The following VASH1 variants were observed in gnomAD, a reference collection of about 807,000 sequenced individuals.
The protein encoded by VASH1 is tubulinyl-Tyr carboxypeptidase 1.
In VASH1, 16 loss-of-function variants were observed where a neutral mutation model predicts 35.0. The ratio of observed to expected loss-of-function variants is 0.46; its 90% CI spans 0.31 to 0.70. The LOEUF is 0.70. Among genes scored for constraint, VASH1 ranks in the 30% least tolerant of loss-of-function variants. The probability of loss-of-function intolerance (pLI) is 0.05; values close to 1 mark genes in which losing one functional copy is unlikely to be tolerated. For missense variants in VASH1, 505 were observed against 510.7 expected (o/e 0.99, Z 0.11); for synonymous variants, 214 against 200.9 (o/e 1.07, Z -0.55).
At chr14:76,763,256 C>A in intron 1 of VASH1, 126 bp downstream of exon 1, 2 of 993,942 alleles carry the variant, frequency 2.0e-6, no homozygotes, top group Non-Finnish European at 1.3e-6. Flanking sequence ...CTTTAAAATG[C>A]AGTGATATCA....
intron 1 of VASH1, among the ~76,000 whole-genome samples, chr14:76,767,391 GC>G (rs1183033578): frequency 1.3e-5 from 2 of 152,114 alleles, no homozygotes; most frequent in African/African-American, 4.8e-5. Context: ...CACACATCCA[GC>G]TGCAAGCTCT....
intron 1 of VASH1, among the ~76,000 whole-genome samples, chr14:76,768,800 G>A (rs1390109077): frequency 2.6e-5 from 4 of 152,192 alleles, no homozygotes; most frequent in East Asian, 1.9e-4. Context: ...CAGTCCCATC[G>A]GGTGGGTGGG....
At chr14:76,769,679 C>G (rs1650030387) in intron 1 of VASH1, among the ~76,000 whole-genome samples, 1 of 152,184 alleles carries the variant, frequency 6.6e-6, no homozygotes, top group Non-Finnish European at 1.5e-5. Flanking sequence ...GTGAATTAAC[C>G]TATGTTTTTC....
intron 1 of VASH1, among the ~76,000 whole-genome samples, chr14:76,768,419 T>C (rs1211902368): frequency 1.3e-5 from 2 of 151,992 alleles, no homozygotes; most frequent in Non-Finnish European, 2.9e-5. Flanking sequence ...TGCTAGGGAC[T>C]CCCCAGACAG....
At chr14:76,774,939 G>A (rs1463750691) in intron 4 of VASH1, 2 of 152,362 alleles carry the variant, frequency 1.3e-5, no homozygotes, top group Non-Finnish European at 2.9e-5. Context: ...GTGGCAGTGT[G>A]TAGAGTTGTT....
In VASH1 at chr14:76,776,299, C is replaced by A. The variant is rs151019547; in HGVS notation, c.912+26C>A. ...GTCTGCCCGCCTTCCACGCCCTCGC[C>A]CCCTCCCTCGCCCCCTCCCCCGCCC... On this transcript the variant is annotated intron_variant, in intron 5 of 6. Transcript: ENST00000167106. 3.5e-4 allele frequency: 508 copies of A among 1,458,842 alleles called. 2 individuals are homozygous for A. The East Asian group carries it at 9.6e-3, about 27-fold the overall frequency. 90.4% of individuals were successfully genotyped at this position (1,458,842 alleles called of 1,614,324 possible).
chr14:76,771,422 C>T (rs1379295422), intron 3 of VASH1, among the ~76,000 whole-genome samples, 176 bp downstream of exon 3: 6 of 152,166 alleles, frequency 3.9e-5, no homozygotes, highest in Admixed American at 3.9e-4. Context: ...GAGAAAAATC[C>T]GGCTGAGATG....
intron 4 of VASH1, chr14:76,774,889 CA>C (rs1300361311): frequency 6.6e-6 from 1 of 152,286 alleles, no homozygotes; most frequent in Non-Finnish European, 1.5e-5. Context: ...AGTTCCTTAA[CA>C]TCTCTGAGCC....
chr14:76,763,761 G>T (rs889396924), intron 1 of VASH1, among the ~76,000 whole-genome samples: 6 of 152,168 alleles, frequency 3.9e-5, no homozygotes, highest in Non-Finnish European at 7.3e-5. Flanking sequence ...CACATTAGAA[G>T]AGGTCTTATG....
intron 1 of VASH1, among the ~76,000 whole-genome samples, chr14:76,765,386 T>C (rs1379836530): frequency 1.3e-5 from 2 of 152,192 alleles, no homozygotes; most frequent in African/African-American, 2.4e-5. Flanking sequence ...AACCTCCCCC[T>C]CTTCAAACCA....
chr14:76,779,639 CT>C lies in VASH1; in HGVS notation c.*623del. The stretch of plus-strand genomic sequence containing the variant: ...CGTGGCTCAGGAGAGCCTTCAGGCC[CT>C]TGAGGCCCCCATGGGCAGTGCTGTG... On this transcript the variant is annotated 3_prime_UTR_variant, in exon 7 of 7. Coordinates refer to ENST00000167106, the MANE Select transcript of VASH1 (RefSeq NM_014909.5). The C allele has an allele frequency of 1.6e-6, 1 of 611,060 alleles. No individual in the cohort carries two copies. The highest frequency in any genetic ancestry group is 2.9e-6 in the Non-Finnish European group (1 of 342,976). 37.9% of individuals were successfully genotyped at this position (611,060 alleles called of 1,614,324 possible).
At position 76,781,235 on chromosome 14, in the gene VASH1, C is replaced by G. The variant is rs563579526; in HGVS notation, c.*2217C>G. 1.3e-5 allele frequency: 2 copies of G among 152,396 alleles called. No individual in the cohort carries two copies. The highest frequency in any genetic ancestry group is 2.1e-4 in the South Asian group (1 of 4,826). 9.4% of individuals were successfully genotyped at this position (152,396 alleles called of 1,614,324 possible). Reference sequence around the variant, plus strand: ...CCAGCTGGTCAGTCCCTTGCCTCCCCAAGTTCCCCCTGGGGTCAATGAGCC... The same window carrying G: ...CCAGCTGGTCAGTCCCTTGCCTCCCGAAGTTCCCCCTGGGGTCAATGAGCC... On this transcript the variant is annotated 3_prime_UTR_variant, in exon 7 of 7. Transcript: ENST00000167106.
chr14:76,764,676 A>C (rs1017648001), intron 1 of VASH1, among the ~76,000 whole-genome samples: 19 of 145,806 alleles, frequency 1.3e-4, no homozygotes, highest in Admixed American at 5.1e-4. Flanking sequence ...TGGTTATTGG[A>C]TATCAGTTAC....
intron 5 of VASH1, 128 bp downstream of exon 5, chr14:76,776,401 T>A: frequency 7.8e-7 from 1 of 1,282,208 alleles, no homozygotes; most frequent in Non-Finnish European, 1.0e-6. Flanking sequence ...TGCTTAGTGG[T>A]CGATATTGTT....
At position 76,761,741 on chromosome 14, in the gene VASH1, C is replaced by T. The variant is rs1048415308; in HGVS notation, c.-1081C>T. 4.0e-5 allele frequency among the ~76,000 whole-genome samples: 6 copies of T among 151,898 alleles called. No homozygotes were observed. Among genetic ancestry groups the T allele is most frequent in the Non-Finnish European group, 7.4e-5 (5 of 67,934 alleles). On this transcript the variant is annotated 5_prime_UTR_variant, in exon 1 of 7. Coordinates refer to ENST00000167106, the MANE Select transcript of VASH1 (RefSeq NM_014909.5). ...GGGCTTGCGGTCCCCGCCCCGCGGTCCTTCCTCCACCCTCAGCCAGGGCAG... is the reference window on the plus strand; with the variant it reads ...GGGCTTGCGGTCCCCGCCCCGCGGTTCTTCCTCCACCCTCAGCCAGGGCAG...
chr14:76,777,711 G>T (rs918154122), intron 5 of VASH1, among the ~76,000 whole-genome samples: 1 of 152,140 alleles, frequency 6.6e-6, no homozygotes, highest in African/African-American at 2.4e-5. Flanking sequence ...GTATCTCAGT[G>T]ACTTCCCCCA....
In VASH1 at chr14:76,778,143, T is replaced by G. The variant is rs138296266; in HGVS notation, c.1025+72T>G. On this transcript the variant is annotated intron_variant, in intron 6 of 6. Transcript: ENST00000167106. Reference sequence around the variant, plus strand: ...CTTTCCTCTCATCGTGTGGGTCCCTTTTTTTTTTTATCTCTCTCCCACCCT... The same window carrying G: ...CTTTCCTCTCATCGTGTGGGTCCCTGTTTTTTTTTATCTCTCTCCCACCCT... 2.2e-4 allele frequency: 223 copies of G among 1,009,094 alleles called. No individual in the cohort carries two copies. The African/African-American group carries it at 3.3e-3, about 15-fold the overall frequency. 62.5% of individuals were successfully genotyped at this position (1,009,094 alleles called of 1,614,324 possible).
chr14:76,780,726 T>C lies in VASH1; in HGVS notation c.*1708T>C, dbSNP rs1001881336. ...TCTGACTTTTTATGTGAAATAGGAT[T>C]TTTAAATGCTGGTGATCACTTAAAA... On this transcript the variant is annotated 3_prime_UTR_variant, in exon 7 of 7. Transcript: ENST00000167106. The C allele has an allele frequency of 2.6e-5, 4 of 152,196 alleles. No homozygotes were observed. Among genetic ancestry groups the C allele is most frequent in the African/African-American group, 9.7e-5 (4 of 41,446 alleles). The allele number at this position is 152,196 out of a possible 1,614,324, so 9.4% of individuals were successfully genotyped here. A position where few individuals can be genotyped will look rare whatever the true frequency, so the allele number is the denominator to read the frequency against.
In VASH1 at chr14:76,763,061, C is replaced by T. The variant is rs1893545795; in HGVS notation, c.240C>T (p.His80=). 4 of 1,539,360 alleles carry T rather than the reference C, an allele frequency of 2.6e-6. No homozygotes were observed. The highest frequency in any genetic ancestry group is 2.5e-5 in the East Asian group (1 of 40,734). Reference sequence around the variant, plus strand: ...CCACCTGGGAAAGGATGTGGAAACACGTGGCCAAGATCCACCCCGATGGAG... The same window carrying T: ...CCACCTGGGAAAGGATGTGGAAACATGTGGCCAAGATCCACCCCGATGGAG... ...DEATWERMWK[H]VAKIHPDGEK... Residue 80 remains histidine (H), a synonymous_variant, in exon 1 of 7, where the codon CAC becomes CAT. Coordinates refer to ENST00000167106, the MANE Select transcript of VASH1 (RefSeq NM_014909.5).
Sources: gnomAD v4.1 joint callset for allele counts (sites outside exome capture counted in the v4.1 genomes callset) on GRCh38, gnomAD v4.1.1 for gene constraint, MANE v1.5 for transcripts, NCBI Gene and HGNC (gene_info 2026-07-23, HGNC 2026-07-21) for gene names.